The following OSBPL10 variants were observed in gnomAD, a reference collection of about 807,000 sequenced individuals.
OSBPL10 encodes the protein oxysterol-binding protein-related protein 10.
Under a neutral mutation model 81.7 loss-of-function variants are expected in OSBPL10, and 49 were observed. The ratio of observed to expected loss-of-function variants is 0.60; its 90% confidence interval spans 0.48 to 0.76. The LOEUF is 0.76. Ranked by LOEUF, OSBPL10 falls within the 30% of genes least tolerant of loss-of-function variation. The pLI is 0.00. For missense variants in OSBPL10, 923 were observed against 987.8 expected (o/e 0.93, Z 0.88); for synonymous variants, 419 against 383.6 (o/e 1.09, Z -1.08).
At chr3:31,953,537 A>C (rs1317576730) in intron 1 of OSBPL10, among the ~76,000 whole-genome samples, 4 of 151,742 alleles carry the variant, frequency 2.6e-5, no homozygotes, top group Non-Finnish European at 5.9e-5. Context: ...CCTCCTAAGT[A>C]ACTGGGACTA....
upstream of OSBPL10, among the ~76,000 whole-genome samples, chr3:31,984,138 C>T (rs573932217): frequency 7.2e-4 from 110 of 152,154 alleles, 1 homozygote; most frequent in Non-Finnish European, 6.9e-4. Context: ...CCCGGGTTCA[C>T]GTCATTCTCC....
intron 4 of OSBPL10, among the ~76,000 whole-genome samples, chr3:31,822,618 G>A (rs1427699635): frequency 6.6e-6 from 1 of 151,996 alleles, no homozygotes; most frequent in Non-Finnish European, 1.5e-5. Context: ...ACTAGACATA[G>A]AAAAGTTAAA....
chr3:31,720,510 C>T (rs1218587147), intron 6 of OSBPL10, among the ~76,000 whole-genome samples: 2 of 152,190 alleles, frequency 1.3e-5, no homozygotes, highest in Non-Finnish European at 2.9e-5. Context: ...GCTTAATTTC[C>T]ACCAGCCAGA....
intron 3 of OSBPL10, among the ~76,000 whole-genome samples, chr3:31,853,816 T>C (rs891900055): frequency 3.3e-5 from 5 of 152,278 alleles, no homozygotes; most frequent in African/African-American, 1.2e-4. Context: ...ATCACACACA[T>C]GAGGCAGCAG....
intron 1 of OSBPL10, among the ~76,000 whole-genome samples, chr3:32,057,468 C>G (rs148077266): frequency 1.3e-5 from 2 of 152,294 alleles, no homozygotes; most frequent in Admixed American, 6.5e-5. Flanking sequence ...GTTTAATTGA[C>G]TCACAGTTCA....
intron 1 of OSBPL10, among the ~76,000 whole-genome samples, chr3:31,897,564 T>A (rs1456306892): frequency 6.6e-6 from 1 of 152,082 alleles, no homozygotes; most frequent in East Asian, 1.9e-4. Context: ...ACAGGTTAGA[T>A]GAGAAAAAGC....
At chr3:32,000,089 C>T (rs562806879) in intron 2 of OSBPL10, among the ~76,000 whole-genome samples, 37 of 152,266 alleles carry the variant, frequency 2.4e-4, no homozygotes, top group African/African-American at 8.2e-4. Context: ...TCTAAGTCAG[C>T]CTTCATTTCC....
At chr3:31,822,725 C>T (rs1700007729) in intron 4 of OSBPL10, among the ~76,000 whole-genome samples, 1 of 151,902 alleles carries the variant, frequency 6.6e-6, no homozygotes, top group Admixed American at 6.6e-5. Flanking sequence ...GCCTGCACAA[C>T]ATAGCAAGAC....
intron 4 of OSBPL10, among the ~76,000 whole-genome samples, chr3:31,800,923 T>C (rs190356148): frequency 1.7e-4 from 26 of 152,326 alleles, no homozygotes; most frequent in African/African-American, 5.8e-4. Context: ...TCAGGTTTTA[T>C]TAATCTTCCT....
At chr3:32,077,013 C>T (rs1462032078) in intron 1 of OSBPL10, among the ~76,000 whole-genome samples, 2 of 152,106 alleles carry the variant, frequency 1.3e-5, no homozygotes, top group East Asian at 3.9e-4. Flanking sequence ...AGCTGTATGA[C>T]TCCTAAACCA....
At chr3:31,803,280 A>C (rs932417037) in intron 4 of OSBPL10, among the ~76,000 whole-genome samples, 1 of 152,206 alleles carries the variant, frequency 6.6e-6, no homozygotes, top group African/African-American at 2.4e-5. Context: ...TCAGCTGAAG[A>C]GGCTAAGGTC....
intron 4 of OSBPL10, among the ~76,000 whole-genome samples, chr3:31,801,886 G>C (rs1575554345): frequency 6.6e-6 from 1 of 151,644 alleles, no homozygotes; most frequent in Non-Finnish European, 1.5e-5. Context: ...GCAATGGCAC[G>C]ATCTCAGCTC....
intron 1 of OSBPL10, among the ~76,000 whole-genome samples, chr3:31,957,168 C>T (rs1698033048): frequency 6.6e-6 from 1 of 152,074 alleles, no homozygotes; most frequent in Non-Finnish European, 1.5e-5. Context: ...TAAATAAAAT[C>T]ATGTTGGCAT....
At chr3:31,777,938 C>G (rs540438567) in intron 4 of OSBPL10, among the ~76,000 whole-genome samples, 83 of 152,324 alleles carry the variant, frequency 5.4e-4, no homozygotes, top group African/African-American at 1.7e-3. Flanking sequence ...CAGGTGGAAT[C>G]TGGGAAAGGT....
intron 1 of OSBPL10, among the ~76,000 whole-genome samples, chr3:31,965,547 T>TATATAATATATAAATTATATATTATATA (rs529535040): frequency 0.013 from 96 of 7,196 alleles, 27 homozygotes; most frequent in African/African-American, 0.063. Context: ...AATTATATAT[T>TATATAATATATAAATTATATATTATATA]ATATATTATA....
intron 4 of OSBPL10, among the ~76,000 whole-genome samples, chr3:31,815,704 C>T (rs1699818856): frequency 6.6e-6 from 1 of 152,048 alleles, no homozygotes; most frequent in African/African-American, 2.4e-5. Context: ...TAGAATGAGC[C>T]CCTGGCGGTG....
chr3:31,812,803 A>G (rs1245319042), intron 4 of OSBPL10, among the ~76,000 whole-genome samples: 2 of 56,710 alleles, frequency 3.5e-5, no homozygotes, highest in Non-Finnish European at 6.9e-5. Flanking sequence ...AGAAAGAAAG[A>G]AAGAAAGAAA....
chr3:31,945,029 T>C lies in OSBPL10; in HGVS notation c.281+35870A>G, dbSNP rs559123224. 1.7e-3 allele frequency among the ~76,000 whole-genome samples: 257 copies of C among 150,766 alleles called. 1 individual carries two copies. Among genetic ancestry groups the C allele is most frequent in the Middle Eastern group, 0.01 (3 of 292 alleles). On this transcript the variant is annotated intron_variant, in intron 1 of 11. Transcript: ENST00000396556. ...AGCTGGGCGTGGTGGCACACATGTG[T>C]AGTCCCAGCTACTCGGGAGGCCACG...
chr3:31,915,428 G>T (rs1040197432), intron 1 of OSBPL10, among the ~76,000 whole-genome samples: 1 of 152,074 alleles, frequency 6.6e-6, no homozygotes, highest in Admixed American at 6.6e-5. Flanking sequence ...ATACTACCCA[G>T]CCATAAAAAA....
Sources: allele counts gnomAD v4.1 joint callset (sites outside exome capture counted in the v4.1 genomes callset), GRCh38; gene constraint gnomAD v4.1.1; transcripts MANE v1.5; gene names NCBI Gene and HGNC (gene_info 2026-07-23, HGNC 2026-07-21).